Variants in KLHL29 observed in about 807,000 individuals in gnomAD.
KLHL29 encodes the protein kelch like family member 29, also known as kelch-like protein 29.
In KLHL29, 21 loss-of-function variants were observed where a neutral mutation model predicts 80.4. The observed-to-expected ratio is 0.26, with a 90% CI of 0.19 to 0.38. KLHL29 has a LOEUF of 0.38. KLHL29 is among the 10% of genes least tolerant of loss of function. The pLI is 1.00. For synonymous variants in KLHL29, 511 were observed against 526.8 expected, an observed-to-expected ratio of 0.97 and a Z score of 0.41; for missense variants, 867 against 1,223.9, an observed-to-expected ratio of 0.71 and a Z score of 4.35.
At chr2:23,692,786 A>C (rs1004902129) in intron 7 of KLHL29, among the ~76,000 whole-genome samples, 1 of 152,094 alleles carries the variant, frequency 6.6e-6, no homozygotes, top group Non-Finnish European at 1.5e-5. Context: ...CCCAGAGCCT[A>C]GCGAGCCAGA....
At chr2:23,630,271 A>T (rs1249803400) in intron 3 of KLHL29, among the ~76,000 whole-genome samples, 1 of 152,140 alleles carries the variant, frequency 6.6e-6, no homozygotes, top group Non-Finnish European at 1.5e-5. Flanking sequence ...GCTTGCAGGC[A>T]CCTAGGGAGG....
chr2:23,414,341 C>T (rs1020610817), intron 1 of KLHL29, among the ~76,000 whole-genome samples: 4 of 142,898 alleles, frequency 2.8e-5, no homozygotes, highest in Admixed American at 6.9e-5. Flanking sequence ...GCCGCGCAGA[C>T]GGATGTGTTT....
chr2:23,564,598 G>A (rs991236855), intron 3 of KLHL29, among the ~76,000 whole-genome samples: 3 of 152,198 alleles, frequency 2.0e-5, no homozygotes, highest in Non-Finnish European at 4.4e-5. Context: ...GGCAGATTTG[G>A]GCCACAGTGC....
chr2:23,387,057 A>G (rs948430238), intron 1 of KLHL29, among the ~76,000 whole-genome samples: 1 of 151,718 alleles, frequency 6.6e-6, no homozygotes, highest in Non-Finnish European at 1.5e-5. Flanking sequence ...CGCCGCTGCC[A>G]TCCCCGCCGC....
At chr2:23,448,974 G>A (rs560611530) in intron 1 of KLHL29, among the ~76,000 whole-genome samples, 1 of 152,278 alleles carries the variant, frequency 6.6e-6, no homozygotes, top group South Asian at 2.1e-4. Flanking sequence ...AGGCACATGG[G>A]GAGGAAGGTC....
At chr2:23,554,890 C>T (rs1159665756) in intron 2 of KLHL29, among the ~76,000 whole-genome samples, 1 of 152,184 alleles carries the variant, frequency 6.6e-6, no homozygotes, top group East Asian at 1.9e-4. Flanking sequence ...GAGTCCGACA[C>T]CGCCCCCCAA....
At chr2:23,626,828 G>T (rs903873261) in intron 3 of KLHL29, among the ~76,000 whole-genome samples, 1 of 152,240 alleles carries the variant, frequency 6.6e-6, no homozygotes, top group Non-Finnish European at 1.5e-5. Flanking sequence ...TCCCTTGGAC[G>T]TGAAGGGAGG....
chr2:23,434,401 C>CA (rs1445522778), intron 1 of KLHL29, among the ~76,000 whole-genome samples: 1 of 47,974 alleles, frequency 2.1e-5, no homozygotes, highest in Non-Finnish European at 3.8e-5. Context: ...TGACAAAGTG[C>CA]AGAGCCTTGG....
chr2:23,656,495 A>G (rs1021165676), intron 5 of KLHL29, among the ~76,000 whole-genome samples: 5 of 152,190 alleles, frequency 3.3e-5, no homozygotes, highest in Admixed American at 3.3e-4. Context: ...TGCATCACCC[A>G]TGTGCGTTCC....
At chr2:23,401,405 G>A (rs1414407029) in intron 1 of KLHL29, among the ~76,000 whole-genome samples, 1 of 152,212 alleles carries the variant, frequency 6.6e-6, no homozygotes, top group African/African-American at 2.4e-5. Flanking sequence ...CCTGGGAGAG[G>A]TAAGCTTGCA....
At chr2:23,652,078 C>T (rs1214086054) in intron 5 of KLHL29, among the ~76,000 whole-genome samples, 1 of 152,180 alleles carries the variant, frequency 6.6e-6, no homozygotes, top group African/African-American at 2.4e-5. Context: ...AAGGGTAGCC[C>T]CTCACAAGGC....
chr2:23,394,873 G>A (rs547151955), intron 1 of KLHL29, among the ~76,000 whole-genome samples: 12 of 152,204 alleles, frequency 7.9e-5, no homozygotes, highest in Non-Finnish European at 1.3e-4. Context: ...TTTCTTTGTG[G>A]TCAGAAGGCT....
chr2:23,542,121 GTTTTC>G (rs897248345), intron 2 of KLHL29, among the ~76,000 whole-genome samples: 4 of 152,170 alleles, frequency 2.6e-5, no homozygotes, highest in African/African-American at 9.7e-5. Flanking sequence ...GCAGTGTTTT[GTTTTC>G]TTTTAATTTC....
At chr2:23,541,875 C>A (rs539511376) in intron 2 of KLHL29, among the ~76,000 whole-genome samples, 1 of 152,110 alleles carries the variant, frequency 6.6e-6, no homozygotes, top group African/African-American at 2.4e-5. Flanking sequence ...AGTCCAGATC[C>A]TGGGAAACAG....
intron 1 of KLHL29, among the ~76,000 whole-genome samples, chr2:23,389,700 G>C (rs1023680642): frequency 7.1e-5 from 10 of 140,446 alleles, no homozygotes; most frequent in African/African-American, 1.2e-4. Flanking sequence ...AAAAAAAAAA[G>C]GGGGGGGCGG....
chr2:23,623,739 A>C (rs1224046906), intron 3 of KLHL29, among the ~76,000 whole-genome samples: 5 of 152,188 alleles, frequency 3.3e-5, no homozygotes, highest in African/African-American at 1.2e-4. Context: ...GGACATGTGC[A>C]CACTTGTGCA....
intron 2 of KLHL29, among the ~76,000 whole-genome samples, chr2:23,555,825 C>CT (rs1667274196): frequency 1.3e-5 from 2 of 152,392 alleles, no homozygotes; most frequent in South Asian, 2.1e-4. Context: ...CCCACCTCCT[C>CT]TGAGAGATGA....
In KLHL29 at chr2:23,530,229, T is replaced by C. The variant is rs1007655644; in HGVS notation, c.-45-31923T>C. 2.6e-5 allele frequency among the ~76,000 whole-genome samples: 4 copies of C among 152,124 alleles called. No individual in the cohort carries two copies. The South Asian group carries it at 6.2e-4, about 24-fold the overall frequency. On this transcript the variant is annotated intron_variant, in intron 2 of 13. Coordinates refer to ENST00000486442, the MANE Select transcript of KLHL29 (RefSeq NM_052920.2). ...GGAGGCTGTTCTGGAATCAGCGAAG[T>C]CTTTATCCTCTTCTGGCCTTGCCAT... is the stretch of plus-strand genomic sequence containing the variant.
chr2:23,646,469 C>A (rs1341731808), intron 5 of KLHL29, among the ~76,000 whole-genome samples: 1 of 152,188 alleles, frequency 6.6e-6, no homozygotes. Context: ...AGTGAAGAGT[C>A]AGGCTGCACC....
Sources: gnomAD v4.1 joint callset for allele counts (sites outside exome capture counted in the v4.1 genomes callset) on GRCh38, gnomAD v4.1.1 for gene constraint, MANE v1.5 for transcripts, NCBI Gene and HGNC (gene_info 2026-07-23, HGNC 2026-07-21) for gene names.